MGAT4C: variants seen among roughly 807,000 people sequenced by gnomAD.
MGAT4C encodes the protein MGAT4 family member C.
In MGAT4C, 19 loss-of-function variants were observed where a neutral mutation model predicts 40.1. The ratio of observed to expected loss-of-function variants is 0.47; its 90% CI spans 0.33 to 0.70. MGAT4C has a LOEUF of 0.70. MGAT4C is among the 30% of genes least tolerant of loss of function. The pLI, the probability that MGAT4C is intolerant of heterozygous loss-of-function variation, is 0.02. For missense variants in MGAT4C, 491 were observed against 563.2 expected (o/e 0.87, Z 1.30); for synonymous variants, 181 against 187.1 (o/e 0.97, Z 0.27).
rs113470308 is a variant in MGAT4C, at chr12:86,354,053, G to A, written c.-119-19926C>T. Among the ~76,000 whole-genome samples the A allele has an allele frequency of 6.5e-3, 991 of 152,176 alleles. 9 individuals carry two copies. Among genetic ancestry groups the A allele is most frequent in the African/African-American group, 0.023 (946 of 41,522 alleles). Reference sequence around the variant, plus strand: ...AACTGAACCAACACATGAAAAGTTCGAAAAAACTTTGATATGATGAATGTG... The same window carrying A: ...AACTGAACCAACACATGAAAAGTTCAAAAAAACTTTGATATGATGAATGTG... On this transcript the variant is annotated intron_variant, in intron 3 of 7. Coordinates refer to the MGAT4C transcript ENST00000548651.
chr12:86,735,953 T>C (rs1950979478), intron 1 of MGAT4C, among the ~76,000 whole-genome samples: 1 of 151,914 alleles, frequency 6.6e-6, no homozygotes, highest in South Asian at 2.1e-4. Flanking sequence ...GGTAAGTGTA[T>C]TTTTGTATTA....
chr12:86,506,799 C>T (rs938589446), intron 2 of MGAT4C, among the ~76,000 whole-genome samples: 2 of 152,092 alleles, frequency 1.3e-5, no homozygotes, highest in Admixed American at 1.3e-4. Flanking sequence ...AGGCAGCTTT[C>T]AACTTTAGCG....
At chr12:86,020,622 C>T (rs982705155) in intron 2 of MGAT4C, among the ~76,000 whole-genome samples, 1 of 152,132 alleles carries the variant, frequency 6.6e-6, no homozygotes, top group Non-Finnish European at 1.5e-5. Context: ...ATACCTAAAA[C>T]CATAAAAACC....
chr12:86,232,531 C>A (rs1951364432), intron 1 of MGAT4C, among the ~76,000 whole-genome samples: 1 of 152,162 alleles, frequency 6.6e-6, no homozygotes, highest in South Asian at 2.1e-4. Context: ...TATTCTCTCT[C>A]ACCTTCAGTA....
At chr12:86,606,890 C>G (rs1340748904) in intron 2 of MGAT4C, among the ~76,000 whole-genome samples, 1 of 152,014 alleles carries the variant, frequency 6.6e-6, no homozygotes, top group Non-Finnish European at 1.5e-5. Flanking sequence ...TAGGATATTT[C>G]TTAATTTGAA....
chr12:86,658,762 C>A (rs1277382127), intron 2 of MGAT4C, among the ~76,000 whole-genome samples: 1 of 152,006 alleles, frequency 6.6e-6, no homozygotes. Flanking sequence ...TTATTCACTC[C>A]TCCGGGAAAA....
intron 2 of MGAT4C, among the ~76,000 whole-genome samples, chr12:86,450,283 A>C (rs887399648): frequency 6.6e-6 from 1 of 152,158 alleles, no homozygotes; most frequent in South Asian, 2.1e-4. Flanking sequence ...GAGCACCTCC[A>C]CATAATTTGA....
intron 3 of MGAT4C, among the ~76,000 whole-genome samples, chr12:86,408,448 A>ACTCTCTCTCTCT (rs1174416641): frequency 1.9e-3 from 57 of 29,332 alleles, no homozygotes; most frequent in African/African-American, 2.4e-3. Context: ...TACATAGTAA[A>ACTCTCTCTCTCT]CTCTCTCTCT....
chr12:86,515,802 G>A (rs1167439522), intron 2 of MGAT4C, among the ~76,000 whole-genome samples: 21 of 150,602 alleles, frequency 1.4e-4, no homozygotes, highest in Admixed American at 9.3e-4. Flanking sequence ...GAGTGCAGTG[G>A]CGCGATCTCA....
At chr12:86,658,035 ATACT>A (rs1440972251) in intron 2 of MGAT4C, among the ~76,000 whole-genome samples, 1 of 152,006 alleles carries the variant, frequency 6.6e-6, no homozygotes, top group Non-Finnish European at 1.5e-5. Context: ...GGAAAGCAAC[ATACT>A]TAGGTGAATT....
At chr12:86,005,380 C>A (rs946397558) in intron 2 of MGAT4C, among the ~76,000 whole-genome samples, 1 of 152,064 alleles carries the variant, frequency 6.6e-6, no homozygotes, top group East Asian at 1.9e-4. Flanking sequence ...TAACAGAACA[C>A]AATTGGAAAC....
At chr12:86,425,623 C>A (rs151177865) in intron 3 of MGAT4C, among the ~76,000 whole-genome samples, 6 of 152,296 alleles carry the variant, frequency 3.9e-5, no homozygotes, top group African/African-American at 1.4e-4. Flanking sequence ...TATTTGACCA[C>A]TTGCATCCTA....
chr12:86,264,304 CAA>C (rs1952731205), intron 4 of MGAT4C, among the ~76,000 whole-genome samples: 1 of 152,114 alleles, frequency 6.6e-6, no homozygotes, highest in African/African-American at 2.4e-5. Context: ...TTTATAGCTT[CAA>C]GTCTTATGTT....
chr12:86,817,042 T>C (rs1270775744), intron 1 of MGAT4C, among the ~76,000 whole-genome samples: 1 of 151,028 alleles, frequency 6.6e-6, no homozygotes, highest in Non-Finnish European at 1.5e-5. Context: ...TCTTTCAGTA[T>C]ATTCAGTTGC....
At position 85,956,145 on chromosome 12, in the gene MGAT4C, G is replaced by GT. The variant is rs1288902150; in HGVS notation, c.*23143dup. 6.6e-6 allele frequency: 1 copy of GT among 152,186 alleles called. No homozygotes were observed. The highest frequency in any genetic ancestry group is 2.4e-5 in the African/African-American group (1 of 41,460). 9.4% of individuals were successfully genotyped at this position (152,186 alleles called of 1,614,324 possible). On this transcript the variant is annotated 3_prime_UTR_variant, in exon 5 of 5. Transcript: ENST00000611864. ...TATGGTAGCTAGTTTAATTGGATTT[G>GT]TTTTTCAAATTTGGACATAACCTTC...
At chr12:86,624,753 A>C (rs1465540269) in intron 2 of MGAT4C, among the ~76,000 whole-genome samples, 4 of 152,154 alleles carry the variant, frequency 2.6e-5, no homozygotes, top group Non-Finnish European at 5.9e-5. Flanking sequence ...AATCATAAGA[A>C]AAGCACAGAC....
intron 1 of MGAT4C, among the ~76,000 whole-genome samples, chr12:86,738,833 C>G (rs1279052702): frequency 6.6e-6 from 1 of 150,926 alleles, no homozygotes; most frequent in Non-Finnish European, 1.5e-5. Flanking sequence ...ATTAGCTGGT[C>G]CTGTGAATCT....
chr12:86,466,698 C>T (rs1179795203), intron 2 of MGAT4C, among the ~76,000 whole-genome samples: 2 of 152,126 alleles, frequency 1.3e-5, no homozygotes, highest in East Asian at 3.9e-4. Flanking sequence ...GTTTGAGTTA[C>T]TATGATGCAT....
intron 2 of MGAT4C, among the ~76,000 whole-genome samples, chr12:86,678,583 C>A: frequency 7.3e-6 from 1 of 136,562 alleles, no homozygotes; most frequent in Non-Finnish European, 1.6e-5. Flanking sequence ...TCCCCCCTCC[C>A]CCCACCACAC....
Sources: allele counts gnomAD v4.1 joint callset (sites outside exome capture counted in the v4.1 genomes callset), GRCh38; gene constraint gnomAD v4.1.1; transcripts MANE v1.5; gene names NCBI Gene and HGNC (gene_info 2026-07-23, HGNC 2026-07-21).